RGR: variants seen among roughly 807,000 people sequenced by gnomAD.
RGR encodes the protein RPE-retinal G protein-coupled receptor.
In RGR, 30 loss-of-function variants were observed where a neutral mutation model predicts 28.6. That is an observed-to-expected ratio of 1.05 (90% CI 0.78 to 1.42). The LOEUF (loss-of-function observed/expected upper bound fraction) is 1.42. RGR is among the 40% of genes most tolerant of loss of function. The pLI is 0.00. For missense variants in RGR, 404 were observed against 375.6 expected (o/e 1.08, Z -0.62); for synonymous variants, 180 against 156.4 (o/e 1.15, Z -1.13).
At chr10:84,248,207 G>T in intron 2 of RGR, 2 of 1,236,910 alleles carry the variant, frequency 1.6e-6, no homozygotes, top group South Asian at 3.1e-5. Context: ...TACTGCACCC[G>T]TATGTATCTG....
intron 2 of RGR, chr10:84,248,522 C>T (rs916098953): frequency 9.5e-6 from 3 of 317,424 alleles, no homozygotes; most frequent in African/African-American, 2.1e-5. Context: ...CTTTGCTTGC[C>T]CTTTTAGGCT....
Position 84,247,601 on chromosome 10 carries a change from T to C in RGR, c.90T>C (p.Gly30=). ...GMVLLVEALS[G]LSLNTLTIFS... ...CACCCTTCCTTTCAGCTCTCTCCGGTCTCAGCCTCAATACCCTGACCATCT... is the reference window on the plus strand; with the variant it reads ...CACCCTTCCTTTCAGCTCTCTCCGGCCTCAGCCTCAATACCCTGACCATCT... The change falls in exon 2 of 7, where the codon GGT becomes GGC. Residue 30 remains glycine, a synonymous_variant. Transcript: ENST00000652092. 6.2e-7 allele frequency: 1 copy of C among 1,614,084 alleles called. No homozygotes were observed. The highest frequency in any genetic ancestry group is 8.5e-7 in the Non-Finnish European group (1 of 1,180,016).
chr10:84,254,336 A>T lies in RGR; in HGVS notation c.523A>T (p.Ser175Cys), dbSNP rs1390668911. 1 of 1,613,986 alleles carries T rather than the reference A, an allele frequency of 6.2e-7. No homozygotes were observed. The highest frequency in any genetic ancestry group is 8.5e-7 in the Non-Finnish European group (1 of 1,179,948). Reference protein sequence around the residue: ...DYSKGDRNFTSFLFTMSFFNF... With the variant: ...DYSKGDRNFTCFLFTMSFFNF... Reference sequence around the variant, plus strand: ...CCGCTCTCCCTGTAGAAACTTCACCAGCTTCCTCTTCACCATGTCCTTCTT... The same window carrying T: ...CCGCTCTCCCTGTAGAAACTTCACCTGCTTCCTCTTCACCATGTCCTTCTT... Residue 175 changes from serine to cysteine, a missense_variant, in exon 5 of 7, where the codon AGC (serine) becomes TGC (cysteine). Ser to Cys is a moderately radical substitution (Grantham distance 112, BLOSUM62 -1). Transcript: ENST00000652092.
intron 5 of RGR, among the ~76,000 whole-genome samples, chr10:84,256,215 C>A (rs1383939009): frequency 2.0e-5 from 3 of 151,552 alleles, no homozygotes; most frequent in Non-Finnish European, 4.4e-5. Context: ...ATTATAGGCA[C>A]CTGCCACCAC....
intron 1 of RGR, 46 bp from the exon 2 acceptor site, chr10:84,247,545 G>A: frequency 6.2e-7 from 1 of 1,608,622 alleles, no homozygotes; most frequent in Non-Finnish European, 8.5e-7. Flanking sequence ...TCTGACCCCA[G>A]CTGGGCCTCA....
chr10:84,245,107 C>T lies in RGR; in HGVS notation c.17C>T (p.Ala6Val), dbSNP rs1393664986. 3.7e-6 allele frequency: 6 copies of T among 1,613,526 alleles called. No homozygotes were observed. In the African/African-American group the frequency reaches 5.3e-5, roughly 14 times the overall value. ...AGAGTGAGGATGGCAGAGACCAGTG[C>T]CCTGCCCACTGGCTTCGGGGAGCTC... MAETS[A>V]LPTGFGELEV... Residue 6 changes from alanine (A) to valine (V), a missense_variant, in exon 1 of 7, where the codon GCC becomes GTC. Physicochemically the swap from Ala to Val is moderately conservative, Grantham distance 64. Transcript: ENST00000652092.
At chr10:84,254,688 C>T (rs1391048083) in intron 5 of RGR, among the ~76,000 whole-genome samples, 1 of 152,152 alleles carries the variant, frequency 6.6e-6, no homozygotes, top group Non-Finnish European at 1.5e-5. Context: ...TTTTTCTTCT[C>T]TTCCCAAGGC....
intron 1 of RGR, among the ~76,000 whole-genome samples, chr10:84,245,441 A>G (rs1194837254): frequency 6.6e-6 from 1 of 152,176 alleles, no homozygotes; most frequent in African/African-American, 2.4e-5. Flanking sequence ...CCAGGAGATG[A>G]TCAAGAGCCA....
At position 84,259,664 on chromosome 10, in the gene RGR, T is replaced by A. The variant is rs1473093130; in HGVS notation, c.*1025T>A. 1 of 152,224 alleles carries A rather than the reference T, an allele frequency of 6.6e-6. No individual in the cohort carries two copies. Among genetic ancestry groups the A allele is most frequent in the East Asian group, 1.9e-4 (1 of 5,202 alleles). 9.4% of individuals were successfully genotyped at this position (152,224 alleles called of 1,614,324 possible). A position where few individuals can be genotyped will look rare whatever the true frequency, so the allele number is the denominator to read the frequency against. ...TTTTGATGTTAAGCATTTTTTCATA[T>A]GCTTCTTAGCCACGTGTATGTATTC... On this transcript the variant is annotated 3_prime_UTR_variant, in exon 7 of 7. Coordinates refer to ENST00000652092, the MANE Select transcript of RGR (RefSeq NM_001012720.2).
intron 2 of RGR, chr10:84,248,676 C>T (rs1390757919): frequency 8.2e-6 from 5 of 610,262 alleles, no homozygotes; most frequent in Non-Finnish European, 1.5e-5. Context: ...TCTGATCACG[C>T]AGAGAGAGCC....
chr10:84,258,468 G>A (rs1228360234), intron 6 of RGR, 40 bp from the exon 7 acceptor site: 1 of 1,613,990 alleles, frequency 6.2e-7, no homozygotes. Flanking sequence ...GAGGATCAGT[G>A]GCTTTGAAGC....
intron 3 of RGR, among the ~76,000 whole-genome samples, chr10:84,252,158 A>C (rs57897265): frequency 0.21 from 32,399 of 152,218 alleles, 3,568 homozygotes; most frequent in Middle Eastern, 0.39. Flanking sequence ...AGGTCAAATC[A>C]GCATGGCTGG....
intron 5 of RGR, among the ~76,000 whole-genome samples, chr10:84,256,230 G>A (rs1589336231): frequency 6.6e-6 from 1 of 151,286 alleles, no homozygotes; most frequent in East Asian, 2.0e-4. Context: ...CACCACGCCT[G>A]GCTAATTTTT....
intron 5 of RGR, 37 bp from the exon 6 acceptor site, chr10:84,257,856 G>C (rs965116637): frequency 6.3e-7 from 1 of 1,596,718 alleles, no homozygotes; most frequent in Non-Finnish European, 8.6e-7. Flanking sequence ...GGGCCACCTG[G>C]AGCAAGCTGA....
Position 84,248,993 on chromosome 10 carries a change from T to G in RGR, c.308T>G (p.Ile103Ser). ...FQGFVTALAS[I>S]CSSAAIAWGR... ...GGCTTTGTGACAGCGTTGGCCAGCA[T>G]CTGCAGCAGTGCAGCCATCGCATGG... Residue 103 changes from isoleucine to serine, a missense_variant, in exon 3 of 7, where the codon ATC becomes AGC. Ile to Ser is a moderately radical substitution (Grantham distance 142). Coordinates refer to ENST00000652092, the MANE Select transcript of RGR (RefSeq NM_001012720.2). The G allele has an allele frequency of 6.2e-7, 1 of 1,614,096 alleles. No individual in the cohort carries two copies. Among genetic ancestry groups the G allele is most frequent in the African/African-American group, 1.3e-5 (1 of 75,046 alleles).
chr10:84,251,690 C>T (rs952876843), intron 3 of RGR, among the ~76,000 whole-genome samples: 2 of 152,196 alleles, frequency 1.3e-5, no homozygotes, highest in Non-Finnish European at 2.9e-5. Flanking sequence ...ACTACTGGCG[C>T]ATGCAGCATG....
chr10:84,246,632 T>C (rs1842749958), intron 1 of RGR, among the ~76,000 whole-genome samples: 1 of 152,268 alleles, frequency 6.6e-6, no homozygotes, highest in African/African-American at 2.4e-5. Flanking sequence ...CATTGGTCAG[T>C]GGGCACTTAC....
At position 84,249,060 on chromosome 10, in the gene RGR, C is replaced by G. The variant is rs373521085; in HGVS notation, c.358+17C>G. The G allele has an allele frequency of 6.2e-6, 10 of 1,613,450 alleles. No homozygotes were observed. The highest frequency in any genetic ancestry group is 7.6e-6 in the Non-Finnish European group (9 of 1,179,610). On this transcript the variant is annotated intron_variant, in intron 3 of 6. Transcript: ENST00000652092. ...ACTGCACCCGTATGTATCTGGGCTC[C>G]TGGAGTGGAGGGACACCGATGCAGT...
chr10:84,248,378 G>T, intron 2 of RGR: 1 of 248,764 alleles, frequency 4.0e-6, no homozygotes, highest in Non-Finnish European at 7.4e-6. Context: ...AAGCAGACTG[G>T]ACATTCTCAT....
Sources: gnomAD v4.1 joint callset for allele counts (sites outside exome capture counted in the v4.1 genomes callset) on GRCh38, gnomAD v4.1.1 for gene constraint, MANE v1.5 for transcripts, NCBI Gene and HGNC (gene_info 2026-07-23, HGNC 2026-07-21) for gene names.